Variants in RARB observed in about 807,000 individuals in gnomAD.
RARB encodes HBV-activated protein.
In RARB, 17 loss-of-function variants were observed where a neutral mutation model predicts 51.9. The observed-to-expected ratio is 0.33, with a 90% confidence interval of 0.22 to 0.49. The LOEUF is 0.49. Ranked by LOEUF, RARB falls within the 20% of genes least tolerant of loss-of-function variation. The pLI is 0.99. For synonymous variants in RARB, 215 were observed against 195.4 expected (o/e 1.10, Z -0.84); for missense variants, 369 against 550.8 (o/e 0.67, Z 3.30).
intron 2 of RARB, among the ~76,000 whole-genome samples, chr3:25,469,705 A>G (rs9876327): frequency 0.021 from 3,137 of 152,330 alleles, 103 homozygotes; most frequent in African/African-American, 0.071. Flanking sequence ...GGATATAGAA[A>G]TGAAAGTTTT....
At chr3:25,045,598 A>G (rs1698199306) in intron 2 of RARB, among the ~76,000 whole-genome samples, 1 of 152,192 alleles carries the variant, frequency 6.6e-6, no homozygotes, top group Non-Finnish European at 1.5e-5. Flanking sequence ...TGGTTTGTGT[A>G]CCAGAACAAT....
In RARB at chr3:25,018,160, G is replaced by A. The variant is rs146382730; in HGVS notation, c.-379-41965G>A. 3.5e-3 allele frequency among the ~76,000 whole-genome samples: 526 copies of A among 152,294 alleles called. 3 individuals carry two copies. Among genetic ancestry groups the A allele is most frequent in the African/African-American group, 0.012 (493 of 41,564 alleles). The stretch of plus-strand genomic sequence containing the variant: ...GAAGTTTTATAAGGCCTGTTTTTCA[G>A]AGTTTAACTGGATGAATGGCATAAT... On this transcript the variant is annotated intron_variant, in intron 2 of 11. Coordinates refer to the RARB transcript ENST00000383772.
intron 3 of RARB, among the ~76,000 whole-genome samples, chr3:25,516,660 T>A (rs1698179832): frequency 6.7e-6 from 1 of 148,728 alleles, no homozygotes; most frequent in Non-Finnish European, 1.5e-5. Flanking sequence ...AGGGTCACAC[T>A]CTGTCGTCCA....
chr3:25,213,777 A>G (rs906739016), intron 5 of RARB, among the ~76,000 whole-genome samples: 1 of 152,190 alleles, frequency 6.6e-6, no homozygotes, highest in South Asian at 2.1e-4. Flanking sequence ...ATGTCAAACT[A>G]TGGTCAATCA....
chr3:25,180,151 GGAATGACTTTA>G (rs199804049), intron 5 of RARB, among the ~76,000 whole-genome samples: 2 of 152,088 alleles, frequency 1.3e-5, no homozygotes, highest in East Asian at 3.9e-4. Context: ...CATAAAGACG[GGAATGACTTTA>G]CCTTCAAGTT....
At chr3:25,393,516 T>C (rs1403426930) in intron 5 of RARB, among the ~76,000 whole-genome samples, 1 of 152,168 alleles carries the variant, frequency 6.6e-6, no homozygotes, top group Admixed American at 6.5e-5. Context: ...CATCTGTTCC[T>C]GAACTTTTTT....
intron 2 of RARB, among the ~76,000 whole-genome samples, chr3:25,483,790 T>G (rs1213012084): frequency 1.1e-4 from 16 of 152,222 alleles, no homozygotes; most frequent in Non-Finnish European, 1.9e-4. Flanking sequence ...GAGATTGTAC[T>G]GCCATTTGCT....
chr3:24,963,432 A>G (rs1559413590), intron 2 of RARB, among the ~76,000 whole-genome samples: 2 of 147,412 alleles, frequency 1.4e-5, no homozygotes, highest in African/African-American at 2.5e-5. Context: ...TGTCACGCTC[A>G]TGGCCTCTTG....
intron 5 of RARB, among the ~76,000 whole-genome samples, chr3:25,421,317 C>T (rs1707851493): frequency 6.6e-6 from 1 of 150,562 alleles, no homozygotes; most frequent in Non-Finnish European, 1.5e-5. Context: ...TTCTCTGGTA[C>T]AGGTAGTATT....
At chr3:25,384,903 A>T (rs1404497553) in intron 5 of RARB, among the ~76,000 whole-genome samples, 1 of 152,222 alleles carries the variant, frequency 6.6e-6, no homozygotes, top group African/African-American at 2.4e-5. Flanking sequence ...TCTTTCCTTC[A>T]TAGCCAGCTA....
intron 3 of RARB, among the ~76,000 whole-genome samples, chr3:25,531,388 G>GTAGATAGA (rs142863604): frequency 0.023 from 3,384 of 145,430 alleles, 89 homozygotes; most frequent in Admixed American, 0.085. Context: ...AGATAGATAG[G>GTAGATAGA]TAGATAGATA....
At chr3:24,919,182 A>G (rs762025455) in intron 2 of RARB, among the ~76,000 whole-genome samples, 5 of 152,240 alleles carry the variant, frequency 3.3e-5, no homozygotes, top group Admixed American at 6.5e-5. Context: ...TACTATGATA[A>G]TAATGATCTA....
chr3:24,967,379 T>C (rs1696299087), intron 2 of RARB, among the ~76,000 whole-genome samples: 1 of 152,142 alleles, frequency 6.6e-6, no homozygotes, highest in African/African-American at 2.4e-5. Context: ...TCCCTTAGCG[T>C]TGCATTTCTT....
intron 2 of RARB, among the ~76,000 whole-genome samples, chr3:24,901,817 T>C (rs1461724115): frequency 6.6e-6 from 1 of 152,104 alleles, no homozygotes; most frequent in Admixed American, 6.6e-5. Flanking sequence ...GTACAGCCAT[T>C]AGGCCGTTAT....
intron 5 of RARB, among the ~76,000 whole-genome samples, chr3:25,391,530 C>T (rs1706958959): frequency 1.3e-5 from 2 of 152,250 alleles, no homozygotes; most frequent in Admixed American, 6.5e-5. Flanking sequence ...AAAGTGTTCC[C>T]TTTTTGCCAC....
intron 5 of RARB, among the ~76,000 whole-genome samples, chr3:25,343,243 A>T (rs17016226): frequency 0.021 from 3,129 of 152,234 alleles, 75 homozygotes; most frequent in African/African-American, 0.056. Context: ...ACTCTAGGCT[A>T]TGAGAATCTT....
rs558092991 is a variant in RARB, at chr3:25,202,151, A to G, written c.178+27576A>G. Among the ~76,000 whole-genome samples the G allele has an allele frequency of 8.6e-5, 13 of 151,938 alleles. No individual in the cohort carries two copies. The South Asian group carries it at 1.5e-3, about 17-fold the overall frequency. On this transcript the variant is annotated intron_variant, in intron 5 of 11. Transcript: ENST00000383772. Reference sequence around the variant, plus strand: ...TATTCAGAGATTCAACTTCTTCCTGATTTAGTCTTGGGAGGGTGTATGTGT... The same window carrying G: ...TATTCAGAGATTCAACTTCTTCCTGGTTTAGTCTTGGGAGGGTGTATGTGT...
chr3:25,059,859 G>A (rs1234100617), intron 2 of RARB, among the ~76,000 whole-genome samples: 1 of 151,726 alleles, frequency 6.6e-6, no homozygotes. Flanking sequence ...AAATACGGTA[G>A]CATCTTAGAA....
rs1011556551 is a variant in RARB, at chr3:24,955,066, T to C, written c.-380+96314T>C. On this transcript the variant is annotated intron_variant, in intron 2 of 11. Coordinates refer to the RARB transcript ENST00000383772. ...CCCTCTTGGTACCCAGGTTCTTTTT[T>C]GGCAGTCAGGACAAATTGGGTCGCA... 5.3e-5 allele frequency among the ~76,000 whole-genome samples: 8 copies of C among 152,308 alleles called. No individual in the cohort carries two copies. The East Asian group carries it at 1.5e-3, about 29-fold the overall frequency.
Sources: allele counts gnomAD v4.1 joint callset (sites outside exome capture counted in the v4.1 genomes callset), GRCh38; gene constraint gnomAD v4.1.1; transcripts MANE v1.5; gene names NCBI Gene and HGNC (gene_info 2026-07-23, HGNC 2026-07-21).